DOCK1: variants seen among roughly 807,000 people sequenced by gnomAD.
DOCK1 encodes the protein dedicator of cytokinesis protein 1.
DOCK1 carries 138 observed loss-of-function variants against 262.7 expected under a neutral mutation model. The observed-to-expected ratio is 0.53, with a 90% CI of 0.46 to 0.61. DOCK1 has a LOEUF of 0.61. Ranked by LOEUF, DOCK1 falls within the 20% of genes least tolerant of loss-of-function variation. The probability of loss-of-function intolerance (pLI) is 0.00; values close to 1 mark genes in which losing one functional copy is unlikely to be tolerated. For missense variants in DOCK1, 1,908 were observed against 2,370.7 expected, an observed-to-expected ratio of 0.80 and a Z score of 4.05; for synonymous variants, 866 against 867.4, an observed-to-expected ratio of 1.00 and a Z score of 0.03.
chr10:127,112,964 CATCT>C (rs1413909547), intron 25 of DOCK1, among the ~76,000 whole-genome samples: 1 of 152,190 alleles, frequency 6.6e-6, no homozygotes, highest in Non-Finnish European at 1.5e-5. Flanking sequence ...AGCCAACAGA[CATCT>C]TACCTCCTGG....
At chr10:127,449,000 G>A (rs1215992166) in intron 51 of DOCK1, among the ~76,000 whole-genome samples, 1 of 152,072 alleles carries the variant, frequency 6.6e-6, no homozygotes, top group African/African-American at 2.4e-5. Context: ...TAAACAAGCA[G>A]TCATCTTTAA....
At chr10:127,173,177 A>C (rs186975630) in intron 27 of DOCK1, among the ~76,000 whole-genome samples, 2 of 152,084 alleles carry the variant, frequency 1.3e-5, no homozygotes, top group African/African-American at 4.8e-5. Flanking sequence ...GTGGACATCT[A>C]CCCATTCAGA....
chr10:127,151,104 C>G (rs2052441735), intron 27 of DOCK1, among the ~76,000 whole-genome samples: 1 of 152,214 alleles, frequency 6.6e-6, no homozygotes, highest in Admixed American at 6.5e-5. Flanking sequence ...CCTTTATCAT[C>G]TCTTCCTGCA....
intron 23 of DOCK1, among the ~76,000 whole-genome samples, chr10:127,096,716 G>A (rs2136146645): frequency 6.6e-6 from 1 of 151,700 alleles, no homozygotes; most frequent in African/African-American, 2.4e-5. Flanking sequence ...GCTGATACTA[G>A]ATGGAAAGTG....
rs577555940 is a variant in DOCK1, at chr10:127,401,270, C to T, written c.3928-1785C>T. Among the ~76,000 whole-genome samples the T allele has an allele frequency of 5.3e-5, 8 of 152,256 alleles. No individual in the cohort carries two copies. In the East Asian group the frequency reaches 1.5e-3, roughly 29 times the overall value. On this transcript the variant is annotated intron_variant, in intron 38 of 51. Coordinates refer to ENST00000623213, the MANE Select transcript of DOCK1 (RefSeq NM_001290223.2). Reference sequence around the variant, plus strand: ...GTCTCCCACGTGGCGGTGTTACTGGCCGCAAATCTGTATAGCTCTGCAGCA... The same window carrying T: ...GTCTCCCACGTGGCGGTGTTACTGGTCGCAAATCTGTATAGCTCTGCAGCA...
intron 1 of DOCK1, among the ~76,000 whole-genome samples, chr10:126,950,741 G>A (rs2036142588): frequency 6.6e-6 from 1 of 152,088 alleles, no homozygotes; most frequent in Non-Finnish European, 1.5e-5. Context: ...GCAGAAATGG[G>A]GTTTTTGTTA....
At chr10:127,399,140 A>G (rs2067081374) in intron 38 of DOCK1, among the ~76,000 whole-genome samples, 1 of 152,190 alleles carries the variant, frequency 6.6e-6, no homozygotes, top group East Asian at 1.9e-4. Context: ...GTCAACCGGC[A>G]ATTTCAAGAA....
intron 1 of DOCK1, among the ~76,000 whole-genome samples, chr10:126,936,219 C>T (rs2034549012): frequency 6.6e-6 from 1 of 152,206 alleles, no homozygotes; most frequent in African/African-American, 2.4e-5. Flanking sequence ...GGCCTCAGCT[C>T]AGGTGATCCT....
intron 23 of DOCK1, among the ~76,000 whole-genome samples, chr10:127,105,821 G>A (rs1472522772): frequency 6.6e-6 from 1 of 152,174 alleles, no homozygotes; most frequent in African/African-American, 2.4e-5. Context: ...TTGCCATGCT[G>A]TGAACACGGC....
chr10:127,372,626 A>G (rs940495958), intron 33 of DOCK1, among the ~76,000 whole-genome samples: 3 of 152,224 alleles, frequency 2.0e-5, no homozygotes, highest in Non-Finnish European at 2.9e-5. Flanking sequence ...GCAATGACCA[A>G]AGAAAAATTC....
chr10:127,020,651 G>T (rs2042349093), intron 13 of DOCK1, among the ~76,000 whole-genome samples: 1 of 152,084 alleles, frequency 6.6e-6, no homozygotes, highest in Non-Finnish European at 1.5e-5. Context: ...CATTGTTCTG[G>T]CAGGTTCCAT....
At chr10:127,421,576 C>T (rs1167488169) in intron 46 of DOCK1, among the ~76,000 whole-genome samples, 1 of 152,166 alleles carries the variant, frequency 6.6e-6, no homozygotes, top group Non-Finnish European at 1.5e-5. Context: ...ATCTCCAGAG[C>T]CTTGTCATCT....
At chr10:127,091,386 A>G (rs766698518) in intron 23 of DOCK1, among the ~76,000 whole-genome samples, 1 of 152,188 alleles carries the variant, frequency 6.6e-6, no homozygotes, top group Non-Finnish European at 1.5e-5. Context: ...TTATTGCTCT[A>G]TCTACATGGA....
At chr10:126,990,853 T>C (rs1591555372) in intron 6 of DOCK1, among the ~76,000 whole-genome samples, 1 of 152,264 alleles carries the variant, frequency 6.6e-6, no homozygotes, top group East Asian at 1.9e-4. Flanking sequence ...GAGCCTGTCA[T>C]TTTCACCGTT....
In DOCK1 at chr10:127,403,132, C is replaced by G; in HGVS notation, c.4005C>G (p.Leu1335=). 6.2e-7 allele frequency: 1 copy of G among 1,609,760 alleles called. No individual in the cohort carries two copies. The highest frequency in any genetic ancestry group is 8.5e-7 in the Non-Finnish European group (1 of 1,178,130). The change falls in exon 39 of 52, where the codon CTC becomes CTG. Residue 1335 remains leucine, a synonymous_variant. Coordinates refer to ENST00000623213, the MANE Select transcript of DOCK1 (RefSeq NM_001290223.2). ...ACGAAATGTTTGATTATGAGCAACT[C>G]AGCGAATTGCTGGTGAGTCTTTATT... ...YENEMFDYEQ[L]SELLKKQAQF...
intron 27 of DOCK1, among the ~76,000 whole-genome samples, chr10:127,240,368 A>G (rs941913183): frequency 1.3e-5 from 2 of 151,652 alleles, no homozygotes; most frequent in East Asian, 1.9e-4. Flanking sequence ...AATTAATTAT[A>G]TATTGAATAA....
intron 25 of DOCK1, among the ~76,000 whole-genome samples, chr10:127,122,925 GC>G (rs1324328149): frequency 2.0e-5 from 3 of 152,154 alleles, no homozygotes; most frequent in African/African-American, 7.2e-5. Flanking sequence ...TCTGAGAATA[GC>G]ACAGATCACA....
intron 29 of DOCK1, among the ~76,000 whole-genome samples, chr10:127,268,314 G>A (rs2489411): frequency 0.91 from 138,151 of 151,600 alleles, 63,016 homozygotes; most frequent in South Asian, 0.95. Context: ...TGACCAATAT[G>A]GTGAAACCCT....
chr10:127,443,938 A>T (rs2070359014), intron 49 of DOCK1, among the ~76,000 whole-genome samples, 188 bp from the exon 50 acceptor site: 1 of 151,844 alleles, frequency 6.6e-6, no homozygotes, highest in Non-Finnish European at 1.5e-5. Context: ...ATGTCTTACT[A>T]TCTGCCCACT....
Sources: gnomAD v4.1 joint callset for allele counts (sites outside exome capture counted in the v4.1 genomes callset) on GRCh38, gnomAD v4.1.1 for gene constraint, MANE v1.5 for transcripts, NCBI Gene and HGNC (gene_info 2026-07-23, HGNC 2026-07-21) for gene names.